The following PLCL2 variants were observed in gnomAD, a reference collection of about 807,000 sequenced individuals.
The protein encoded by PLCL2 is inactive phospholipase C-like protein 2.
A neutral mutation model predicts 79.6 loss-of-function variants in PLCL2; 4 were observed. The ratio of observed to expected loss-of-function variants is 0.05; its 90% confidence interval spans 0.02 to 0.11. The LOEUF (loss-of-function observed/expected upper bound fraction) is 0.11. Ranked by LOEUF, PLCL2 falls within the 10% of genes least tolerant of loss-of-function variation. The pLI, the probability that PLCL2 is intolerant of heterozygous loss-of-function variation, is 1.00. For synonymous variants in PLCL2, 484 were observed against 457.7 expected (o/e 1.06, Z -0.73); for missense variants, 895 against 1,291.0 (o/e 0.69, Z 4.70).
chr3:16,996,756 G>C lies in PLCL2; in HGVS notation c.328-12918G>C, dbSNP rs147401366. On this transcript the variant is annotated intron_variant, in intron 1 of 5. Coordinates refer to ENST00000615277, the MANE Select transcript of PLCL2 (RefSeq NM_001144382.2). Reference sequence around the variant, plus strand: ...TCTCCATGTGGCCGTTTGGTAGGCAGTGAACATTTTGTTACAGAAATACTC... The same window carrying C: ...TCTCCATGTGGCCGTTTGGTAGGCACTGAACATTTTGTTACAGAAATACTC... Among the ~76,000 whole-genome samples the C allele has an allele frequency of 5.1e-3, 769 of 152,250 alleles. 5 individuals carry two copies. The highest frequency in any genetic ancestry group is 0.017 in the African/African-American group (715 of 41,552).
intron 1 of PLCL2, among the ~76,000 whole-genome samples, chr3:16,975,378 T>C (rs903558790): frequency 1.3e-5 from 2 of 152,112 alleles, no homozygotes; most frequent in African/African-American, 4.8e-5. Context: ...CCATTGCTCT[T>C]TTAGTTAGTA....
Position 17,029,107 on chromosome 3 carries a change from A to G in PLCL2, c.3019-13767A>G, listed in dbSNP as rs1284630071. ...GAAGCACTTATGTTCTAAGGCAGTG[A>G]GGGCTGGCTTTGCTGGTCCAAGAAG... On this transcript the variant is annotated intron_variant, in intron 3 of 5. Transcript: ENST00000615277. Among the ~76,000 whole-genome samples, 6 of 152,036 alleles carry G rather than the reference A, an allele frequency of 3.9e-5. No homozygotes were observed. The East Asian group carries it at 1.2e-3, about 29-fold the overall frequency.
At chr3:16,941,574 G>A (rs1239240567) in intron 1 of PLCL2, among the ~76,000 whole-genome samples, 1 of 152,134 alleles carries the variant, frequency 6.6e-6, no homozygotes, top group African/African-American at 2.4e-5. Context: ...TATACTGCAT[G>A]CTTTTTGCCT....
chr3:16,972,924 G>A (rs1483775111), intron 1 of PLCL2, among the ~76,000 whole-genome samples: 1 of 152,016 alleles, frequency 6.6e-6, no homozygotes, highest in Non-Finnish European at 1.5e-5. Context: ...GTTGGTTCTT[G>A]CCTCTTTATC....
chr3:17,021,373 GTT>G (rs1559521856), intron 3 of PLCL2, among the ~76,000 whole-genome samples: 1 of 152,174 alleles, frequency 6.6e-6, no homozygotes, highest in East Asian at 1.9e-4. Context: ...GAAAATAAAT[GTT>G]TAAACGATAC....
chr3:16,896,946 T>C (rs999440736), intron 1 of PLCL2, among the ~76,000 whole-genome samples: 3 of 152,144 alleles, frequency 2.0e-5, no homozygotes, highest in Non-Finnish European at 4.4e-5. Context: ...CTGGGAGATT[T>C]TAAAGTATAG....
At chr3:16,906,506 A>T (rs1696755731) in intron 1 of PLCL2, among the ~76,000 whole-genome samples, 1 of 152,102 alleles carries the variant, frequency 6.6e-6, no homozygotes, top group Non-Finnish European at 1.5e-5. Flanking sequence ...TAATTTTCAA[A>T]ATTTTAATCA....
At chr3:16,987,056 C>CT (rs1233307772) in intron 1 of PLCL2, among the ~76,000 whole-genome samples, 2 of 150,914 alleles carry the variant, frequency 1.3e-5, no homozygotes, top group African/African-American at 2.4e-5. Flanking sequence ...AAATGTCAGA[C>CT]TTTTTTTTCC....
At chr3:16,988,512 G>A (rs746126692) in intron 1 of PLCL2, among the ~76,000 whole-genome samples, 14 of 152,072 alleles carry the variant, frequency 9.2e-5, no homozygotes, top group African/African-American at 2.7e-4. Context: ...CATTGCTGAC[G>A]GTGGCTGCGG....
chr3:17,015,824 T>C (rs1428229379), intron 3 of PLCL2, among the ~76,000 whole-genome samples: 3 of 152,216 alleles, frequency 2.0e-5, no homozygotes, highest in African/African-American at 7.2e-5. Flanking sequence ...AACAGAAATA[T>C]TTTTGACTGT....
chr3:17,031,181 GT>G (rs1332900363), intron 3 of PLCL2, among the ~76,000 whole-genome samples: 4 of 152,102 alleles, frequency 2.6e-5, no homozygotes, highest in African/African-American at 9.7e-5. Flanking sequence ...ATTCTCATCA[GT>G]TTTTTGGAGA....
chr3:16,926,644 T>A (rs1283831003), intron 1 of PLCL2, among the ~76,000 whole-genome samples: 1 of 152,134 alleles, frequency 6.6e-6, no homozygotes, highest in African/African-American at 2.4e-5. Flanking sequence ...AACCTTTTTT[T>A]TTTTTGAGAC....
chr3:16,900,385 GAAGA>G (rs1393020615), intron 1 of PLCL2, among the ~76,000 whole-genome samples: 2 of 151,990 alleles, frequency 1.3e-5, no homozygotes, highest in African/African-American at 4.8e-5. Context: ...ATCAAATTCA[GAAGA>G]AAGAAGCTAT....
chr3:17,004,192 A>G (rs772852308), intron 1 of PLCL2, among the ~76,000 whole-genome samples: 7 of 152,136 alleles, frequency 4.6e-5, no homozygotes, highest in Non-Finnish European at 8.8e-5. Context: ...TTATGATTTT[A>G]TAGATTATTG....
intron 3 of PLCL2, among the ~76,000 whole-genome samples, chr3:17,039,848 G>T (rs999924920): frequency 3.3e-5 from 5 of 152,142 alleles, no homozygotes; most frequent in Non-Finnish European, 7.3e-5. Context: ...TACTACTCAT[G>T]AATCGGGGGA....
At chr3:17,045,450 G>A (rs1339072050) in intron 4 of PLCL2, among the ~76,000 whole-genome samples, 2 of 152,118 alleles carry the variant, frequency 1.3e-5, no homozygotes, top group African/African-American at 4.8e-5. Context: ...TGTTAGTACT[G>A]GGAAGAGGAA....
chr3:17,014,863 G>A lies in PLCL2; in HGVS notation c.2970G>A (p.Gln990=), dbSNP rs965557419. The change falls in exon 3 of 6, where the codon CAG becomes CAA. Residue 990 remains glutamine, a synonymous_variant. Transcript: ENST00000615277. ...AGCAGTACCCCACAATGGAGCTGCA[G>A]GGAATTGTGCCGGAGGTTCTGAAGA... ...LSEQYPTMEL[Q]GIVPEVLKKI... 5.6e-6 allele frequency: 9 copies of A among 1,614,158 alleles called. No individual in the cohort carries two copies. Among genetic ancestry groups the A allele is most frequent in the Non-Finnish European group, 7.6e-6 (9 of 1,180,000 alleles).
At chr3:17,043,665 C>T (rs1029481936) in intron 4 of PLCL2, among the ~76,000 whole-genome samples, 8 of 149,958 alleles carry the variant, frequency 5.3e-5, no homozygotes, top group South Asian at 2.1e-4. Flanking sequence ...AGGTTTTTTT[C>T]GTTGCTGTTC....
chr3:16,889,919 C>T (rs1449978764), intron 1 of PLCL2, among the ~76,000 whole-genome samples: 1 of 152,106 alleles, frequency 6.6e-6, no homozygotes, highest in Admixed American at 6.5e-5. Context: ...CCCAGCAAAC[C>T]TGTGGGCACA....
Sources: gnomAD v4.1 joint callset for allele counts (sites outside exome capture counted in the v4.1 genomes callset) on GRCh38, gnomAD v4.1.1 for gene constraint, MANE v1.5 for transcripts, NCBI Gene and HGNC (gene_info 2026-07-23, HGNC 2026-07-21) for gene names.